NAP1L4: variants seen among roughly 807,000 people sequenced by gnomAD.
The protein encoded by NAP1L4 is nucleosome assembly protein 1 like 4.
In NAP1L4, 15 loss-of-function variants were observed where a neutral mutation model predicts 58.2. The ratio of observed to expected loss-of-function variants is 0.26; its 90% confidence interval spans 0.17 to 0.40. The LOEUF (loss-of-function observed/expected upper bound fraction) is 0.40, where lower values mean the gene tolerates loss of function less well. NAP1L4 is among the 10% of genes least tolerant of loss of function. The probability of loss-of-function intolerance (pLI) is 1.00; values close to 1 mark genes in which losing one functional copy is unlikely to be tolerated. For synonymous variants in NAP1L4, 171 were observed against 155.6 expected (o/e 1.10, Z -0.74); for missense variants, 384 against 451.1 (o/e 0.85, Z 1.35).
intron 8 of NAP1L4, among the ~76,000 whole-genome samples, chr11:2,961,777 C>T (rs1013917974): frequency 1.3e-5 from 2 of 152,186 alleles, no homozygotes; most frequent in African/African-American, 4.8e-5. Flanking sequence ...AGCAATCCTC[C>T]CACCTTGGCC....
Position 2,951,033 on chromosome 11 carries a change from C to T in NAP1L4, c.1122+226G>A, listed in dbSNP as rs1846195988. 1 of 485,526 alleles carries T rather than the reference C, an allele frequency of 2.1e-6. No homozygotes were observed. The highest frequency in any genetic ancestry group is 3.6e-6 in the Non-Finnish European group (1 of 275,704). 30.1% of individuals were successfully genotyped at this position (485,526 alleles called of 1,614,324 possible). A position where few individuals can be genotyped will look rare whatever the true frequency, so the allele number is the denominator to read the frequency against. On this transcript the variant is annotated intron_variant, in intron 14 of 15. Transcript: ENST00000380542. The surrounding 1 kb of genome is among the most constrained non-coding windows in gnomAD (Gnocchi z 4.0). ...CTGAGGAGTCTATGTAAATAAGACA[C>T]AGCTTGAGACAGCTGGAAAAGCTTC...
rs1007229777 is a variant in NAP1L4, at chr11:2,971,669, T to G, written c.316-135A>C. ...TATAACTTATTTTAAGATTCTAAAT[T>G]TTAGGGTTCAAAGAAAAATATTAAA... On this transcript the variant is annotated intron_variant, in intron 5 of 15. Coordinates refer to ENST00000380542, the MANE Select transcript of NAP1L4 (RefSeq NM_005969.4). This position sits in a 1 kb window ranked among gnomAD's most constrained non-coding sequence, Gnocchi z 4.2. 6.8e-6 allele frequency: 5 copies of G among 734,196 alleles called. No individual in the cohort carries two copies. The highest frequency in any genetic ancestry group is 1.1e-5 in the Non-Finnish European group (5 of 465,370). The allele number at this position is 734,196 out of a possible 1,614,324, so 45.5% of individuals were successfully genotyped here. A position where few individuals can be genotyped will look rare whatever the true frequency, so the allele number is the denominator to read the frequency against.
At chr11:2,964,009 G>C (rs1450168865) in intron 8 of NAP1L4, 1 of 451,786 alleles carries the variant, frequency 2.2e-6, no homozygotes, top group African/African-American at 2.0e-5. Context: ...CCAACTGGTA[G>C]GCTGATCCAT....
chr11:2,989,563 G>A (rs2134034801), intron 1 of NAP1L4, among the ~76,000 whole-genome samples: 1 of 152,290 alleles, frequency 6.6e-6, no homozygotes, highest in South Asian at 2.1e-4. Context: ...CAACTAAAGG[G>A]AAGGAAGAAA....
rs200489621 is a variant in NAP1L4 at position 2,958,410 on chromosome 11, T to C, written c.881A>G (p.Asn294Ser). ...ACCAACAGACTTGCCTTTCAATGGA[T>C]TGAAGAAGTTGAAAAAGGACTCATT... is the stretch of plus-strand genomic sequence containing the variant. ...VPNESFFNFF[N>S]PLKASGDGES... is the part of the protein sequence containing the mutation. The change falls in exon 10 of 16, where the codon AAT becomes AGT. Residue 294 changes from asparagine (N) to serine (S), a missense_variant. Transcript: ENST00000380542. 5.4e-5 allele frequency: 87 copies of C among 1,614,074 alleles called. No individual in the cohort carries two copies. Among genetic ancestry groups the C allele is most frequent in the South Asian group, 5.5e-5 (5 of 91,042 alleles).
chr11:2,966,977 C>T (rs1038745886), intron 7 of NAP1L4, among the ~76,000 whole-genome samples: 1 of 152,238 alleles, frequency 6.6e-6, no homozygotes, highest in African/African-American at 2.4e-5. Context: ...AAAGGCACAA[C>T]ACTGGAGGCA....
Position 2,949,195 on chromosome 11 carries a change from G to C in NAP1L4, c.*32+32C>G. On this transcript the variant is annotated intron_variant, in intron 15 of 15. Coordinates refer to ENST00000380542, the MANE Select transcript of NAP1L4 (RefSeq NM_005969.4). The surrounding 1 kb of genome is among the most constrained non-coding windows in gnomAD (Gnocchi z 4.0). Reference sequence around the variant, plus strand: ...TGTATAAAGTATAGATCAGAAGTTTGGAAGTTAGGTATGAATGGAATTCCA... The same window carrying C: ...TGTATAAAGTATAGATCAGAAGTTTCGAAGTTAGGTATGAATGGAATTCCA... 6.5e-7 allele frequency: 1 copy of C among 1,528,796 alleles called. No homozygotes were observed. 94.7% of individuals were successfully genotyped at this position (1,528,796 alleles called of 1,614,324 possible). A position where few individuals can be genotyped will look rare whatever the true frequency, so the allele number is the denominator to read the frequency against.
rs767992044 is a variant in NAP1L4 at position 2,949,264 on chromosome 11, C to A, written c.1123G>T (p.Val375Leu). Residue 375 changes from valine (V) to leucine (L), a missense_variant and splice_region_variant, in exon 15 of 16, where the codon GTG (valine) becomes TTG (leucine). This residue lies in a region of NAP1L4 where 296 missense variants were observed against 360.8 expected (regional missense o/e 0.82). Transcript: ENST00000380542. The surrounding 1 kb of genome is among the most constrained non-coding windows in gnomAD (Gnocchi z 4.0). ...DEDDAEINPK[V>L] ...GAATGATTAACAGACAAAAATTACA[C>A]CTAAATGGGGAAAAAAATTGAAAGG... is the stretch of plus-strand genomic sequence containing the variant. The A allele has an allele frequency of 6.3e-7, 1 of 1,598,022 alleles. No homozygotes were observed. Among genetic ancestry groups the A allele is most frequent in the Non-Finnish European group, 8.6e-7 (1 of 1,165,506 alleles).
rs530787890 is a variant in NAP1L4, at chr11:2,961,022, A to G, written c.607-1113T>C. On this transcript the variant is annotated intron_variant, in intron 8 of 15. Transcript: ENST00000380542. ...GGAAATAACTCTCTCCCTCTCTAGG[A>G]GCTGCCTTGGTGGTTAATCTGTATC... is the stretch of plus-strand genomic sequence containing the variant. Among the ~76,000 whole-genome samples the G allele has an allele frequency of 7.4e-4, 113 of 152,202 alleles. 1 individual carries two copies. Among genetic ancestry groups the G allele is most frequent in the Non-Finnish European group, 1.5e-3 (99 of 68,024 alleles).
chr11:2,991,581 C>A (rs1848969361), intron 1 of NAP1L4, among the ~76,000 whole-genome samples: 1 of 152,100 alleles, frequency 6.6e-6, no homozygotes, highest in East Asian at 1.9e-4. Flanking sequence ...GGGGAGCGCA[C>A]GCCGCCCAGC....
At chr11:2,973,086 C>T (rs1423257004) in intron 4 of NAP1L4, among the ~76,000 whole-genome samples, 1 of 152,172 alleles carries the variant, frequency 6.6e-6, no homozygotes, top group Non-Finnish European at 1.5e-5. Flanking sequence ...TCAAATATGG[C>T]CTATTCATAA....
intron 1 of NAP1L4, among the ~76,000 whole-genome samples, chr11:2,979,488 C>G (rs961863637): frequency 6.6e-6 from 1 of 152,228 alleles, no homozygotes; most frequent in East Asian, 1.9e-4. Flanking sequence ...AAAAAAATTT[C>G]TCGGCCTGGC....
chr11:2,991,473 GA>G (rs1848962557), intron 1 of NAP1L4: 1 of 190,516 alleles, frequency 5.2e-6, no homozygotes, highest in Non-Finnish European at 1.1e-5. Context: ...TTTCCCTTGT[GA>G]AAGACGGTTT....
In NAP1L4 at chr11:2,949,561, G is replaced by A. The variant is rs1846117147; in HGVS notation, c.1123-297C>T. Among the ~76,000 whole-genome samples, 1 of 152,158 alleles carries A rather than the reference G, an allele frequency of 6.6e-6. No individual in the cohort carries two copies. On this transcript the variant is annotated intron_variant, in intron 14 of 15. Coordinates refer to ENST00000380542, the MANE Select transcript of NAP1L4 (RefSeq NM_005969.4). This position sits in a 1 kb window ranked among gnomAD's most constrained non-coding sequence, Gnocchi z 4.0. ...AAGGTGCATGTGACAGGGACAGCAG[G>A]CTTGGCCTTATCCTGGCCACACATG...
In NAP1L4 at chr11:2,954,472, T is replaced by G; in HGVS notation, c.1035+55A>C. 6.2e-7 allele frequency: 1 copy of G among 1,611,752 alleles called. No individual in the cohort carries two copies. The highest frequency in any genetic ancestry group is 1.1e-5 in the South Asian group (1 of 91,032). Reference sequence around the variant, plus strand: ...CCTAAGCCACAATTCAGGGCCACTCTGCACCAACAGAGATAAGCACCCAGG... The same window carrying G: ...CCTAAGCCACAATTCAGGGCCACTCGGCACCAACAGAGATAAGCACCCAGG... On this transcript the variant is annotated intron_variant, in intron 12 of 15. Transcript: ENST00000380542. The surrounding 1 kb of genome is among the most constrained non-coding windows in gnomAD (Gnocchi z 4.8).
At chr11:2,952,711 T>A (rs1846302181) in intron 12 of NAP1L4, 1 of 152,226 alleles carries the variant, frequency 6.6e-6, no homozygotes, top group South Asian at 2.1e-4. Flanking sequence ...GGCTTCTCAA[T>A]ATTCTTCCAT....
intron 7 of NAP1L4, 70 bp downstream of exon 7, chr11:2,969,731 TAA>T: frequency 6.6e-7 from 1 of 1,522,290 alleles, no homozygotes; most frequent in Middle Eastern, 1.8e-4. Flanking sequence ...GTGTAGTGCT[TAA>T]AAAATGCCAT....
At chr11:2,953,252 G>C (rs1204360165) in intron 12 of NAP1L4, among the ~76,000 whole-genome samples, 1 of 152,238 alleles carries the variant, frequency 6.6e-6, no homozygotes. Flanking sequence ...CAGCAGTACA[G>C]ATACCGCATA....
At position 2,964,205 on chromosome 11, in the gene NAP1L4, TTTAAACG is replaced by T. The variant is rs537474691; in HGVS notation, c.606+468_606+474del. Among the ~76,000 whole-genome samples, 455 of 152,298 alleles carry T rather than the reference TTTAAACG, an allele frequency of 3.0e-3. 2 individuals carry two copies. The highest frequency in any genetic ancestry group is 5.2e-3 in the Non-Finnish European group (353 of 68,018). ...ATTATGTGTACATAGCTCCCATCTT[TTTAAACG>T]TTAAACATATACATTAGATGCATGC... On this transcript the variant is annotated intron_variant, in intron 8 of 15. Coordinates refer to ENST00000380542, the MANE Select transcript of NAP1L4 (RefSeq NM_005969.4).
Sources: gnomAD v4.1 joint callset for allele counts (sites outside exome capture counted in the v4.1 genomes callset) on GRCh38, gnomAD v4.1.1 for gene constraint, gnomAD v4.1.1 regional missense constraint, Gnocchi (gnomAD v3.1) non-coding constraint, MANE v1.5 for transcripts, NCBI Gene and HGNC (gene_info 2026-07-23, HGNC 2026-07-21) for gene names.